JAKMIP3: variants seen among roughly 807,000 people sequenced by gnomAD.
JAKMIP3 encodes the protein janus kinase and microtubule-interacting protein 3.
A neutral mutation model predicts 118.5 loss-of-function variants in JAKMIP3; 58 were observed. The observed-to-expected ratio is 0.49, with a 90% confidence interval of 0.40 to 0.61. The LOEUF is 0.61. Among genes scored for constraint, JAKMIP3 ranks in the 20% least tolerant of loss-of-function variants. JAKMIP3 has a pLI of 0.00. For missense variants in JAKMIP3, 950 were observed against 1,109.0 expected, an observed-to-expected ratio of 0.86 and a Z score of 2.04; for synonymous variants, 486 against 451.2, an observed-to-expected ratio of 1.08 and a Z score of -0.98.
At chr10:132,134,061 T>G (rs982175244) in intron 4 of JAKMIP3, among the ~76,000 whole-genome samples, 1 of 152,224 alleles carries the variant, frequency 6.6e-6, no homozygotes, top group African/African-American at 2.4e-5. Context: ...TGGGCCGCTC[T>G]GTCGTGTGGG....
chr10:132,172,988 T>TC (rs1310512749), intron 23 of JAKMIP3, among the ~76,000 whole-genome samples: 1 of 71,818 alleles, frequency 1.4e-5, no homozygotes. Flanking sequence ...TCCCTCTCTC[T>TC]CTCTCTCCTT....
rs79024485 is a variant in JAKMIP3, at chr10:132,179,037, C to T, written c.*1104-3320C>T. On this transcript the variant is annotated intron_variant, in intron 23 of 23. Coordinates refer to ENST00000684848, the MANE Select transcript of JAKMIP3 (RefSeq NM_001323087.2). This position sits in a 1 kb window ranked among gnomAD's most constrained non-coding sequence, Gnocchi z 4.3. ...TTCGTGCCCGTGGGGCTGGGGGCCC[C>T]GACCTGTGGAAACACCCTGTGTCAG... 0.04 allele frequency among the ~76,000 whole-genome samples: 6,148 copies of T among 152,336 alleles called. 188 individuals are homozygous for T. Among genetic ancestry groups the T allele is most frequent in the Non-Finnish European group, 0.064 (4,331 of 68,022 alleles).
In JAKMIP3 at chr10:132,136,087, G is replaced by T. The variant is rs778712076; in HGVS notation, c.1116+11G>T. The T allele has an allele frequency of 1.3e-5, 21 of 1,612,310 alleles. No individual in the cohort carries two copies. In the Admixed American group the frequency reaches 1.5e-4, roughly 12 times the overall value. On this transcript the variant is annotated intron_variant, in intron 6 of 23. Coordinates refer to ENST00000684848, the MANE Select transcript of JAKMIP3 (RefSeq NM_001323087.2). ...GAGAACATAGAAATGGTGAGGGGGT[G>T]GGGGGCTCCACGGGGCCACGGTCGC...
intron 12 of JAKMIP3, 99 bp from the exon 13 acceptor site, chr10:132,145,419 G>C (rs971403135): frequency 4.0e-5 from 49 of 1,210,868 alleles, no homozygotes; most frequent in Non-Finnish European, 2.4e-6. Flanking sequence ...TTGCCACGCT[G>C]GCCAGACTGG....
At chr10:132,153,650 A>G (rs2056622649) in intron 17 of JAKMIP3, 109 bp from the exon 18 acceptor site, 10 of 1,043,826 alleles carry the variant, frequency 9.6e-6, no homozygotes, top group South Asian at 5.1e-5. Context: ...CTCCCTAAGG[A>G]GAAGAGGAAG....
At chr10:132,180,668 T>C (rs201610614) in intron 23 of JAKMIP3, among the ~76,000 whole-genome samples, 501 of 28,026 alleles carry the variant, frequency 0.018, 60 homozygotes, top group East Asian at 0.13. Flanking sequence ...CGTGTGTGCG[T>C]GTGTGTGCGC....
Position 132,148,505 on chromosome 10 carries a change from TCCGTCCTCCATCCGC to T in JAKMIP3, c.1848+473_1848+487del, listed in dbSNP as rs772097955. Among the ~76,000 whole-genome samples, 188 of 96,318 alleles carry T rather than the reference TCCGTCCTCCATCCGC, an allele frequency of 2.0e-3. 1 individual carries two copies. The highest frequency in any genetic ancestry group is 5.6e-3 in the African/African-American group (174 of 31,112). 63.2% of individuals were successfully genotyped at this position (96,318 alleles called of 152,430 possible). A position where few individuals can be genotyped will look rare whatever the true frequency, so the allele number is the denominator to read the frequency against. On this transcript the variant is annotated intron_variant, in intron 14 of 23. Transcript: ENST00000684848. ...CATCCACCCCCAAGGAGCCGGCACG[TCCGTCCTCCATCCGC>T]CCGTCCTCCATCCGCCCCCGTGGCC... is the stretch of plus-strand genomic sequence containing the variant.
At chr10:132,133,035 C>T (rs1043102373) in intron 3 of JAKMIP3, among the ~76,000 whole-genome samples, 2 of 152,186 alleles carry the variant, frequency 1.3e-5, no homozygotes, top group South Asian at 2.1e-4. Context: ...CAGGACAGCA[C>T]GGAATGGGGT....
chr10:132,061,589 T>C (rs2038400604), upstream of JAKMIP3, among the ~76,000 whole-genome samples: 2 of 152,174 alleles, frequency 1.3e-5, no homozygotes, highest in African/African-American at 4.8e-5. Context: ...GGGGCAGAGC[T>C]TGACAGAGAC....
At chr10:132,143,099 AAG>A (rs996349146) in intron 11 of JAKMIP3, among the ~76,000 whole-genome samples, 1 of 151,236 alleles carries the variant, frequency 6.6e-6, no homozygotes, top group African/African-American at 2.4e-5. Context: ...TGTGAAAACT[AAG>A]AGAGAGCTCC....
chr10:132,109,479 C>T (rs1337064941), intron 2 of JAKMIP3, among the ~76,000 whole-genome samples: 4 of 152,154 alleles, frequency 2.6e-5, no homozygotes, highest in East Asian at 3.9e-4. Flanking sequence ...CTTGTTCCTG[C>T]GCGCCCGCAG....
At chr10:132,091,647 T>G (rs1160902135) in intron 1 of JAKMIP3, among the ~76,000 whole-genome samples, 5 of 152,324 alleles carry the variant, frequency 3.3e-5, no homozygotes, top group Admixed American at 1.3e-4. Flanking sequence ...CATCCCTTTA[T>G]TTTGAGCCTA....
chr10:132,097,163 C>T lies in JAKMIP3; in HGVS notation c.-137-7509C>T, dbSNP rs536247600. ...GTCGGGAACCTGGGTCCCTCATACACGGCTGGTGGGAGGCAAGGCCCCTCT... is the reference window on the plus strand; with the variant it reads ...GTCGGGAACCTGGGTCCCTCATACATGGCTGGTGGGAGGCAAGGCCCCTCT... On this transcript the variant is annotated intron_variant, in intron 1 of 23. Coordinates refer to ENST00000684848, the MANE Select transcript of JAKMIP3 (RefSeq NM_001323087.2). Among the ~76,000 whole-genome samples the T allele has an allele frequency of 9.1e-4, 138 of 152,366 alleles. 1 individual carries two copies. The highest frequency in any genetic ancestry group is 3.0e-3 in the African/African-American group (123 of 41,580).
At chr10:132,174,337 C>T (rs936001633) in intron 23 of JAKMIP3, among the ~76,000 whole-genome samples, 5 of 152,090 alleles carry the variant, frequency 3.3e-5, no homozygotes, top group East Asian at 1.9e-4. Context: ...GCTGTGTTTA[C>T]GTTCAGCAAA....
At chr10:132,081,855 G>A (rs1003232595) in intron 1 of JAKMIP3, among the ~76,000 whole-genome samples, 6 of 151,962 alleles carry the variant, frequency 3.9e-5, no homozygotes, top group Non-Finnish European at 7.4e-5. Context: ...AGCCCTCATC[G>A]GCCTCATTGA....
chr10:132,081,543 T>C (rs1010432663), intron 1 of JAKMIP3, among the ~76,000 whole-genome samples: 2 of 152,150 alleles, frequency 1.3e-5, no homozygotes, highest in Non-Finnish European at 2.9e-5. Context: ...TCCTGAGTCT[T>C]GTCTGTTCTT....
chr10:132,136,228 G>A (rs1200669982), intron 6 of JAKMIP3, among the ~76,000 whole-genome samples, 152 bp downstream of exon 6: 2 of 152,100 alleles, frequency 1.3e-5, no homozygotes, highest in Non-Finnish European at 2.9e-5. Context: ...TGTTTGAAGG[G>A]GAGCAACCGC....
At chr10:132,172,060 A>G (rs1181019658) in intron 23 of JAKMIP3, among the ~76,000 whole-genome samples, 1 of 152,146 alleles carries the variant, frequency 6.6e-6, no homozygotes, top group Non-Finnish European at 1.5e-5. Context: ...TTTCTGTTCC[A>G]GGACCCCACG....
intron 4 of JAKMIP3, among the ~76,000 whole-genome samples, chr10:132,133,758 G>C (rs1311966924): frequency 2.0e-5 from 3 of 152,224 alleles, no homozygotes; most frequent in Admixed American, 2.0e-4. Context: ...CATAGCATCA[G>C]CTCTGGCCCT....
Sources: gnomAD v4.1 joint callset for allele counts (sites outside exome capture counted in the v4.1 genomes callset) on GRCh38, gnomAD v4.1.1 for gene constraint, Gnocchi (gnomAD v3.1) non-coding constraint, MANE v1.5 for transcripts, NCBI Gene and HGNC (gene_info 2026-07-23, HGNC 2026-07-21) for gene names.